Variants in PRUNE2 observed in about 807,000 individuals in gnomAD.
PRUNE2 encodes prune homolog 2 with BCH domain.
A neutral mutation model predicts 252.0 loss-of-function variants in PRUNE2; 164 were observed. That is an observed-to-expected ratio of 0.65 (90% CI 0.57 to 0.74). The LOEUF is 0.74. Among genes scored for constraint, PRUNE2 ranks in the 30% least tolerant of loss-of-function variants. PRUNE2 has a pLI of 0.00. For synonymous variants in PRUNE2, 1,292 were observed against 1,350.2 expected (o/e 0.96, Z 0.94); for missense variants, 3,495 against 3,711.0 (o/e 0.94, Z 1.51).
chr9:76,895,859 C>G (rs979433743), intron 1 of PRUNE2, among the ~76,000 whole-genome samples: 3 of 152,180 alleles, frequency 2.0e-5, no homozygotes, highest in African/African-American at 7.2e-5. Flanking sequence ...TCTTGGCTCA[C>G]TGCAACCTCT....
At chr9:76,722,283 T>C (rs1269553631) in intron 6 of PRUNE2, among the ~76,000 whole-genome samples, 1 of 151,216 alleles carries the variant, frequency 6.6e-6, no homozygotes, top group Non-Finnish European at 1.5e-5. Context: ...TTGGCCAGGC[T>C]GGTCTTGAAC....
chr9:76,731,310 CTATATATA>C (rs1194576016), intron 6 of PRUNE2, among the ~76,000 whole-genome samples: 1 of 36,660 alleles, frequency 2.7e-5, no homozygotes, highest in African/African-American at 7.1e-5. Flanking sequence ...ATCTATCTAT[CTATATATA>C]TATATATTTT....
At chr9:76,824,951 GCATACA>G (rs1217230500) in intron 5 of PRUNE2, among the ~76,000 whole-genome samples, 2 of 152,176 alleles carry the variant, frequency 1.3e-5, no homozygotes, top group East Asian at 3.8e-4. Context: ...CCCTTGTGCA[GCATACA>G]CACAAGGACA....
intron 15 of PRUNE2, among the ~76,000 whole-genome samples, chr9:76,633,221 C>CA (rs942796408): frequency 2.0e-5 from 3 of 149,902 alleles, no homozygotes; most frequent in African/African-American, 4.9e-5. Context: ...AACTCCCTTT[C>CA]AAAAAAAAGA....
chr9:76,803,206 A>G (rs1041636700), intron 6 of PRUNE2, among the ~76,000 whole-genome samples: 1 of 152,204 alleles, frequency 6.6e-6, no homozygotes, highest in Non-Finnish European at 1.5e-5. Context: ...GGTCTCACAC[A>G]CCACTTTGGG....
chr9:76,834,428 T>C (rs2058843248), intron 4 of PRUNE2, among the ~76,000 whole-genome samples: 1 of 152,210 alleles, frequency 6.6e-6, no homozygotes, highest in African/African-American at 2.4e-5. Context: ...TTACCTGTAT[T>C]TCCATAAATA....
At chr9:76,773,992 C>G (rs915463510) in intron 6 of PRUNE2, among the ~76,000 whole-genome samples, 1 of 152,094 alleles carries the variant, frequency 6.6e-6, no homozygotes. Flanking sequence ...GACAGTAGAT[C>G]TATTTTAAGT....
At chr9:76,797,925 G>A (rs2056242559) in intron 6 of PRUNE2, among the ~76,000 whole-genome samples, 1 of 152,210 alleles carries the variant, frequency 6.6e-6, no homozygotes, top group South Asian at 2.1e-4. Context: ...CTCTTTAGCT[G>A]CGCTTTTTGT....
intron 4 of PRUNE2, among the ~76,000 whole-genome samples, chr9:76,845,090 C>A (rs1322518507): frequency 6.7e-6 from 1 of 149,506 alleles, no homozygotes; most frequent in East Asian, 2.0e-4. Context: ...GGTAGCTCTG[C>A]AAACTAAAAC....
chr9:76,834,402 G>A (rs975362896), intron 4 of PRUNE2, among the ~76,000 whole-genome samples: 2 of 152,088 alleles, frequency 1.3e-5, no homozygotes, highest in Non-Finnish European at 2.9e-5. Context: ...GCTGCATTAA[G>A]GTCAATAATA....
intron 9 of PRUNE2, among the ~76,000 whole-genome samples, chr9:76,678,344 T>A (rs1415005347): frequency 2.0e-5 from 1 of 49,540 alleles, no homozygotes. Context: ...AGAGCGAGAC[T>A]CCATCAAAAA....
chr9:76,795,324 T>C (rs908073197), intron 6 of PRUNE2, among the ~76,000 whole-genome samples: 3 of 152,058 alleles, frequency 2.0e-5, no homozygotes, highest in Non-Finnish European at 2.9e-5. Flanking sequence ...ATAACTATGG[T>C]CACCAAACTG....
intron 9 of PRUNE2, among the ~76,000 whole-genome samples, chr9:76,670,346 G>C (rs1289442476): frequency 2.6e-5 from 4 of 151,896 alleles, no homozygotes; most frequent in African/African-American, 4.8e-5. Context: ...TTTCCAAAGG[G>C]CTTAAAAAAC....
At chr9:76,854,064 T>C (rs376721986) in intron 2 of PRUNE2, 40 bp downstream of exon 2, 2 of 976,406 alleles carry the variant, frequency 2.0e-6, no homozygotes, top group African/African-American at 1.7e-5. Context: ...AGTTACATAA[T>C]AATTCAAAAT....
chr9:76,887,228 A>G (rs188585384), intron 1 of PRUNE2, among the ~76,000 whole-genome samples: 98 of 152,266 alleles, frequency 6.4e-4, no homozygotes, highest in Non-Finnish European at 1.1e-3. Context: ...GTCATCCCAA[A>G]TGAAAACAAC....
Position 76,706,521 on chromosome 9 carries a change from T to C in PRUNE2, c.5753A>G (p.Asp1918Gly), listed in dbSNP as rs763500660. The stretch of plus-strand genomic sequence containing the variant: ...TACAAGCTGGCTGAACTTGTCAGCA[T>C]CTGGGTCTGGCTGCCTTGGTTGAAT... ...WNIQPRQPDP[D>G]ADKFSQLVKL... Residue 1918 changes from aspartate to glycine, a missense_variant, in exon 8 of 19, where the codon GAT becomes GGT. Transcript: ENST00000376718. The C allele has an allele frequency of 5.6e-6, 9 of 1,613,894 alleles. No homozygotes were observed. In the South Asian group the frequency reaches 9.9e-5, roughly 18 times the overall value.
intron 9 of PRUNE2, among the ~76,000 whole-genome samples, chr9:76,673,548 AT>A (rs1440406915): frequency 7.4e-6 from 1 of 135,990 alleles, no homozygotes; most frequent in African/African-American, 2.8e-5. Context: ...TCCCTAACTC[AT>A]TTTATGAGGC....
chr9:76,853,438 G>T (rs1375627920), intron 2 of PRUNE2, among the ~76,000 whole-genome samples: 4 of 152,160 alleles, frequency 2.6e-5, no homozygotes, highest in African/African-American at 9.7e-5. Flanking sequence ...CCATTATCAT[G>T]AGCTCATGAA....
rs562145487 is a variant in PRUNE2, at chr9:76,802,315, C to T, written c.756+21317G>A. On this transcript the variant is annotated intron_variant, in intron 6 of 18. Coordinates refer to ENST00000376718, the MANE Select transcript of PRUNE2 (RefSeq NM_015225.3). Reference sequence around the variant, plus strand: ...CTCCTTATCTTTGCAAAAATATGCACGAAAGTCCAGACTATGCAGCCATTG... The same window carrying T: ...CTCCTTATCTTTGCAAAAATATGCATGAAAGTCCAGACTATGCAGCCATTG... Among the ~76,000 whole-genome samples, 26 of 152,110 alleles carry T rather than the reference C, an allele frequency of 1.7e-4. No individual in the cohort carries two copies. The South Asian group carries it at 5.0e-3, about 29-fold the overall frequency.
Sources: gnomAD v4.1 joint callset for allele counts (sites outside exome capture counted in the v4.1 genomes callset) on GRCh38, gnomAD v4.1.1 for gene constraint, MANE v1.5 for transcripts, NCBI Gene and HGNC (gene_info 2026-07-23, HGNC 2026-07-21) for gene names.